DYNC1I1: variants seen among roughly 807,000 people sequenced by gnomAD.
DYNC1I1 encodes the protein cytoplasmic dynein 1 intermediate chain 1.
In DYNC1I1, 43 loss-of-function variants were observed where a neutral mutation model predicts 86.6. The ratio of observed to expected loss-of-function variants is 0.50; its 90% CI spans 0.39 to 0.64. The LOEUF is 0.64. Ranked by LOEUF, DYNC1I1 falls within the 30% of genes least tolerant of loss-of-function variation. The pLI is 0.00. For missense variants in DYNC1I1, 604 were observed against 788.8 expected (o/e 0.77, Z 2.81); for synonymous variants, 262 against 283.7 (o/e 0.92, Z 0.77).
chr7:96,094,372 A>G (rs1790936220), intron 16 of DYNC1I1, among the ~76,000 whole-genome samples: 1 of 152,190 alleles, frequency 6.6e-6, no homozygotes, highest in African/African-American at 2.4e-5. Flanking sequence ...CCTAGAGAAA[A>G]TCATAAATGC....
At chr7:95,855,585 A>G (rs1019466171) in intron 5 of DYNC1I1, among the ~76,000 whole-genome samples, 2 of 152,152 alleles carry the variant, frequency 1.3e-5, no homozygotes, top group Non-Finnish European at 2.9e-5. Context: ...CATTGGGAAA[A>G]CATCATAGAA....
At chr7:95,926,533 A>G (rs569400639) in intron 6 of DYNC1I1, among the ~76,000 whole-genome samples, 1 of 152,292 alleles carries the variant, frequency 6.6e-6, no homozygotes, top group South Asian at 2.1e-4. Flanking sequence ...TAGAATTATA[A>G]GGGTTTTGTT....
At chr7:95,793,917 G>C (rs1031461581) in intron 1 of DYNC1I1, among the ~76,000 whole-genome samples, 1 of 152,224 alleles carries the variant, frequency 6.6e-6, no homozygotes, top group South Asian at 2.1e-4. Flanking sequence ...CTTTCTATGT[G>C]CTCCTTGGGA....
chr7:95,875,612 T>C (rs1790290106), intron 6 of DYNC1I1, among the ~76,000 whole-genome samples: 1 of 152,174 alleles, frequency 6.6e-6, no homozygotes, highest in Non-Finnish European at 1.5e-5. Flanking sequence ...GGAAGAAAGA[T>C]GAGGTTTACA....
At chr7:96,070,565 CA>C (rs1562993578) in intron 14 of DYNC1I1, among the ~76,000 whole-genome samples, 2 of 152,046 alleles carry the variant, frequency 1.3e-5, no homozygotes. Context: ...CCTTTTATTT[CA>C]GAATTTATAA....
intron 6 of DYNC1I1, among the ~76,000 whole-genome samples, chr7:95,895,427 G>A (rs527975779): frequency 1.3e-5 from 2 of 152,214 alleles, no homozygotes; most frequent in East Asian, 1.9e-4. Flanking sequence ...GTGGTTGTAC[G>A]AGGATCAGCT....
chr7:95,799,102 G>A (rs940602578), intron 1 of DYNC1I1, among the ~76,000 whole-genome samples: 2 of 152,084 alleles, frequency 1.3e-5, no homozygotes, highest in African/African-American at 2.4e-5. Flanking sequence ...GAAACTGAGG[G>A]GCCGGGTGTG....
intron 6 of DYNC1I1, among the ~76,000 whole-genome samples, chr7:95,916,863 T>G (rs1428722870): frequency 6.6e-6 from 1 of 152,196 alleles, no homozygotes; most frequent in Non-Finnish European, 1.5e-5. Context: ...GTCAAAGCAA[T>G]CAGAACGAGA....
intron 5 of DYNC1I1, among the ~76,000 whole-genome samples, chr7:95,846,167 A>G (rs1584273092): frequency 2.0e-5 from 3 of 152,252 alleles, no homozygotes; most frequent in African/African-American, 7.2e-5. Flanking sequence ...ATTGTCATTT[A>G]TATATATTAT....
intron 14 of DYNC1I1, among the ~76,000 whole-genome samples, chr7:96,069,608 A>G (rs1296935524): frequency 1.3e-5 from 2 of 152,234 alleles, no homozygotes; most frequent in African/African-American, 4.8e-5. Context: ...GCTGATATTC[A>G]TGAAAATCAT....
intron 10 of DYNC1I1, among the ~76,000 whole-genome samples, chr7:95,999,930 C>T (rs189537551): frequency 3.7e-4 from 56 of 152,248 alleles, no homozygotes; most frequent in Admixed American, 2.0e-3. Context: ...ATCTACAAAA[C>T]GGCTGTGGAC....
At chr7:95,805,710 AAAACCAG>A (rs1794686716) in intron 2 of DYNC1I1, among the ~76,000 whole-genome samples, 1 of 152,156 alleles carries the variant, frequency 6.6e-6, no homozygotes, top group Non-Finnish European at 1.5e-5. Flanking sequence ...ATCTTATACA[AAAACCAG>A]ATACCAAAGA....
intron 4 of DYNC1I1, among the ~76,000 whole-genome samples, chr7:95,817,266 C>T (rs1224978918): frequency 1.3e-5 from 2 of 151,308 alleles, no homozygotes; most frequent in Non-Finnish European, 2.9e-5. Flanking sequence ...TGCTTTTTAC[C>T]AATGAGGACA....
At chr7:95,815,662 C>T (rs1175737640) in intron 4 of DYNC1I1, among the ~76,000 whole-genome samples, 3 of 151,982 alleles carry the variant, frequency 2.0e-5, no homozygotes, top group Admixed American at 6.6e-5. Context: ...TTAACTTTAA[C>T]ACTTCATAAA....
At chr7:96,022,247 T>G (rs982828775) in intron 10 of DYNC1I1, among the ~76,000 whole-genome samples, 2 of 152,162 alleles carry the variant, frequency 1.3e-5, no homozygotes, top group Non-Finnish European at 2.9e-5. Flanking sequence ...ACTACCTTTG[T>G]ATTCTCAGCA....
At chr7:96,059,536 T>C (rs79417907) in intron 14 of DYNC1I1, among the ~76,000 whole-genome samples, 7,408 of 152,148 alleles carry the variant, frequency 0.049, 254 homozygotes, top group African/African-American at 0.1. Context: ...GTAAGAGAAT[T>C]TGCAACCATG....
At chr7:95,889,352 G>C (rs1054009662) in intron 6 of DYNC1I1, among the ~76,000 whole-genome samples, 1 of 152,032 alleles carries the variant, frequency 6.6e-6, no homozygotes, top group South Asian at 2.1e-4. Flanking sequence ...TTATAGAAAC[G>C]ACTTCCTGTT....
chr7:95,946,892 A>C (rs747293673), intron 6 of DYNC1I1, among the ~76,000 whole-genome samples: 11 of 152,186 alleles, frequency 7.2e-5, no homozygotes, highest in Non-Finnish European at 1.6e-4. Context: ...TAAAAGAGAC[A>C]GACAGCTGGT....
chr7:95,871,709 C>T (rs4729219), intron 6 of DYNC1I1, among the ~76,000 whole-genome samples: 1 of 152,146 alleles, frequency 6.6e-6, no homozygotes, highest in East Asian at 1.9e-4. Flanking sequence ...AAGTTTTAAA[C>T]TGGAGCACAT....
Sources: allele counts gnomAD v4.1 joint callset (sites outside exome capture counted in the v4.1 genomes callset), GRCh38; gene constraint gnomAD v4.1.1; transcripts MANE v1.5; gene names NCBI Gene and HGNC (gene_info 2026-07-23, HGNC 2026-07-21).